Variants in ANKS1B observed in about 807,000 individuals in gnomAD.
The protein encoded by ANKS1B is ankyrin repeat and sterile alpha motif domain containing 1B, also known as ankyrin repeat and sterile alpha motif domain-containing protein 1B.
In ANKS1B, 36 loss-of-function variants were observed where a neutral mutation model predicts 148.3. The observed-to-expected ratio is 0.24, with a 90% CI of 0.19 to 0.32. The LOEUF (loss-of-function observed/expected upper bound fraction) is 0.32. ANKS1B is among the 10% of genes least tolerant of loss of function. ANKS1B has a pLI of 1.00. For synonymous variants in ANKS1B, 542 were observed against 560.8 expected (o/e 0.97, Z 0.47); for missense variants, 1,157 against 1,542.6 (o/e 0.75, Z 4.19).
chr12:98,781,306 C>A, intron 23 of ANKS1B, 103 bp from the exon 24 acceptor site: 1 of 676,926 alleles, frequency 1.5e-6, no homozygotes, highest in Non-Finnish European at 2.7e-6. Context: ...AAATTAAAAA[C>A]AACAACAACA....
chr12:99,073,025 G>T (rs2046737632), intron 16 of ANKS1B, among the ~76,000 whole-genome samples: 1 of 152,128 alleles, frequency 6.6e-6, no homozygotes. Flanking sequence ...TGGGCCAAAT[G>T]AACCCTACCT....
chr12:99,460,653 A>G (rs1364719804), intron 10 of ANKS1B, among the ~76,000 whole-genome samples: 1 of 152,088 alleles, frequency 6.6e-6, no homozygotes, highest in Non-Finnish European at 1.5e-5. Context: ...AAAATGCTCA[A>G]CATCACTAAT....
chr12:98,914,507 A>C (rs761793274), intron 17 of ANKS1B, among the ~76,000 whole-genome samples: 1 of 152,138 alleles, frequency 6.6e-6, no homozygotes, highest in African/African-American at 2.4e-5. Flanking sequence ...AAAGCCAAAG[A>C]AAGTCCTTAG....
chr12:99,877,255 T>G (rs1438442832), intron 1 of ANKS1B, among the ~76,000 whole-genome samples: 1 of 152,238 alleles, frequency 6.6e-6, no homozygotes, highest in South Asian at 2.1e-4. Context: ...TTGATTTGCA[T>G]GTACTTGATT....
intron 20 of ANKS1B, among the ~76,000 whole-genome samples, chr12:98,806,815 G>A (rs948427160): frequency 8.5e-5 from 13 of 152,102 alleles, no homozygotes; most frequent in African/African-American, 2.7e-4. Flanking sequence ...GGCTACTTAC[G>A]AACACATAAA....
chr12:99,850,296 T>A (rs1042707269), intron 1 of ANKS1B, among the ~76,000 whole-genome samples: 1 of 151,058 alleles, frequency 6.6e-6, no homozygotes, highest in Non-Finnish European at 1.5e-5. Context: ...TCTCTCTCTC[T>A]CTCTCTCTCT....
At chr12:99,206,347 C>T (rs926693856) in intron 14 of ANKS1B, among the ~76,000 whole-genome samples, 12 of 152,218 alleles carry the variant, frequency 7.9e-5, no homozygotes, top group South Asian at 2.1e-4. Flanking sequence ...ACTAAAGATA[C>T]TTTAGAATGA....
Position 99,574,490 on chromosome 12 carries a change from C to A in ANKS1B, c.1273-69849G>T, listed in dbSNP as rs536557204. ...AAAATCAGACAGACTTTAATGAAAA[C>A]AACAGGCCAATATCTTTCATGAATA... On this transcript the variant is annotated intron_variant, in intron 9 of 26. Coordinates refer to ENST00000683438, the MANE Select transcript of ANKS1B (RefSeq NM_001352186.2). Among the ~76,000 whole-genome samples the A allele has an allele frequency of 4.6e-5, 7 of 152,008 alleles. No individual in the cohort carries two copies. In the South Asian group the frequency reaches 1.5e-3, roughly 32 times the overall value.
chr12:99,796,101 G>A (rs530148239), intron 4 of ANKS1B, among the ~76,000 whole-genome samples: 5 of 152,088 alleles, frequency 3.3e-5, no homozygotes, highest in Admixed American at 1.3e-4. Flanking sequence ...CCATTATTAA[G>A]TAAAATATGG....
chr12:99,643,913 G>A (rs2098333881), intron 9 of ANKS1B, among the ~76,000 whole-genome samples: 1 of 152,150 alleles, frequency 6.6e-6, no homozygotes, highest in African/African-American at 2.4e-5. Context: ...CATGCTTTCA[G>A]CTTTCTCTCT....
At chr12:99,060,706 TATAG>T (rs1333655099) in intron 16 of ANKS1B, among the ~76,000 whole-genome samples, 51 of 134,400 alleles carry the variant, frequency 3.8e-4, no homozygotes, top group East Asian at 2.3e-3. Flanking sequence ...CACACATATA[TATAG>T]AGAGAGAGAG....
At chr12:99,780,383 C>A (rs989040850) in intron 5 of ANKS1B, among the ~76,000 whole-genome samples, 11 of 152,074 alleles carry the variant, frequency 7.2e-5, no homozygotes, top group African/African-American at 2.7e-4. Flanking sequence ...TCACGCCATT[C>A]TCCTGCCTCA....
Position 99,367,561 on chromosome 12 carries a change from A to G in ANKS1B, c.1756+32070T>C, listed in dbSNP as rs567638301. ...CCCCAAGAGAGAGAGTTCCAGGAGA[A>G]CAAACCAACATATGTACAAGGTTAC... On this transcript the variant is annotated intron_variant, in intron 12 of 26. Coordinates refer to ENST00000683438, the MANE Select transcript of ANKS1B (RefSeq NM_001352186.2). Among the ~76,000 whole-genome samples the G allele has an allele frequency of 2.0e-5, 3 of 152,344 alleles. No individual in the cohort carries two copies. In the South Asian group the frequency reaches 6.2e-4, roughly 32 times the overall value.
intron 17 of ANKS1B, among the ~76,000 whole-genome samples, chr12:98,984,666 C>A (rs1354956630): frequency 6.6e-6 from 1 of 152,200 alleles, no homozygotes; most frequent in African/African-American, 2.4e-5. Flanking sequence ...TTAGTCCGCA[C>A]TGACAGCATT....
chr12:99,763,420 CGTAA>C (rs1280453480), intron 8 of ANKS1B, among the ~76,000 whole-genome samples: 2 of 152,210 alleles, frequency 1.3e-5, no homozygotes, highest in East Asian at 1.9e-4. Context: ...TGTTCTTACT[CGTAA>C]GTGTGAGTTA....
chr12:99,283,997 C>T (rs1039147069), intron 12 of ANKS1B, among the ~76,000 whole-genome samples: 2 of 152,150 alleles, frequency 1.3e-5, no homozygotes, highest in Non-Finnish European at 1.5e-5. Flanking sequence ...CTTAACAAGA[C>T]TCCTCCTAAA....
chr12:98,784,131 G>T (rs2098765433), intron 22 of ANKS1B, among the ~76,000 whole-genome samples: 1 of 152,234 alleles, frequency 6.6e-6, no homozygotes, highest in Non-Finnish European at 1.5e-5. Flanking sequence ...AAGCATAATG[G>T]AAATGCTTTT....
intron 14 of ANKS1B, among the ~76,000 whole-genome samples, chr12:99,174,738 T>G (rs967151948): frequency 2.6e-5 from 4 of 152,168 alleles, no homozygotes; most frequent in Non-Finnish European, 1.5e-5. Flanking sequence ...AACTGAAACT[T>G]GAATTTCCCT....
intron 14 of ANKS1B, among the ~76,000 whole-genome samples, chr12:99,179,975 T>C (rs878909513): frequency 6.6e-6 from 1 of 152,214 alleles, no homozygotes; most frequent in Non-Finnish European, 1.5e-5. Flanking sequence ...TTCATTTCTA[T>C]GAACCCTTTC....
Sources: gnomAD v4.1 joint callset for allele counts (sites outside exome capture counted in the v4.1 genomes callset) on GRCh38, gnomAD v4.1.1 for gene constraint, MANE v1.5 for transcripts, NCBI Gene and HGNC (gene_info 2026-07-23, HGNC 2026-07-21) for gene names.